The following ADGRL2 variants were observed in gnomAD, a reference collection of about 807,000 sequenced individuals.
ADGRL2 encodes calcium-independent alpha-latrotoxin receptor 2.
Under a neutral mutation model 157.4 loss-of-function variants are expected in ADGRL2, and 44 were observed. The ratio of observed to expected loss-of-function variants is 0.28; its 90% CI spans 0.22 to 0.36. The LOEUF is 0.36. Among genes scored for constraint, ADGRL2 ranks in the 10% least tolerant of loss-of-function variants. The pLI is 1.00. For missense variants in ADGRL2, 1,510 were observed against 1,768.9 expected, an observed-to-expected ratio of 0.85 and a Z score of 2.63; for synonymous variants, 585 against 624.7, an observed-to-expected ratio of 0.94 and a Z score of 0.95.
intron 1 of ADGRL2, among the ~76,000 whole-genome samples, chr1:81,387,670 G>A (rs2101092536): frequency 6.6e-6 from 1 of 152,234 alleles, no homozygotes; most frequent in Non-Finnish European, 1.5e-5. Context: ...CCAATTGTTA[G>A]ATGATAGGCA....
At chr1:81,735,541 G>A (rs945618798) in intron 1 of ADGRL2, among the ~76,000 whole-genome samples, 10 of 152,176 alleles carry the variant, frequency 6.6e-5, no homozygotes, top group Admixed American at 2.6e-4. Context: ...TGTAATCCCA[G>A]CACTTTGGGA....
intron 3 of ADGRL2, among the ~76,000 whole-genome samples, chr1:81,638,194 T>C (rs1038634514): frequency 1.3e-5 from 2 of 152,046 alleles, no homozygotes; most frequent in Non-Finnish European, 2.9e-5. Flanking sequence ...TGCAAAATTA[T>C]CCTTCAAAAG....
At chr1:81,574,860 A>C (rs2080766444) in intron 2 of ADGRL2, among the ~76,000 whole-genome samples, 1 of 152,210 alleles carries the variant, frequency 6.6e-6, no homozygotes, top group African/African-American at 2.4e-5. Flanking sequence ...AGAAAACAAA[A>C]ATCTTAATGA....
At chr1:81,513,594 A>T (rs563831517) in intron 2 of ADGRL2, among the ~76,000 whole-genome samples, 2 of 152,310 alleles carry the variant, frequency 1.3e-5, no homozygotes, top group East Asian at 3.9e-4. Context: ...ACTCCAGGTT[A>T]TACAGCCAGT....
rs1378661680 is a variant in ADGRL2, at chr1:81,625,279, T to C, written c.-143+44299T>C. On this transcript the variant is annotated intron_variant, in intron 3 of 24. Transcript: ENST00000370721. Reference sequence around the variant, plus strand: ...TCTCTCCCTCTCCCTCCTTCCCTTTTTCCCTCTTCCATATCTTCCTCCCTC... The same window carrying C: ...TCTCTCCCTCTCCCTCCTTCCCTTTCTCCCTCTTCCATATCTTCCTCCCTC... Among the ~76,000 whole-genome samples, 5 of 152,214 alleles carry C rather than the reference T, an allele frequency of 3.3e-5. No homozygotes were observed. The East Asian group carries it at 9.7e-4, about 29-fold the overall frequency.
chr1:81,346,931 T>C (rs1431250329), intron 1 of ADGRL2, among the ~76,000 whole-genome samples: 1 of 152,054 alleles, frequency 6.6e-6, no homozygotes, highest in East Asian at 1.9e-4. Flanking sequence ...CTAAAAGAGT[T>C]TTGAGGTGCA....
chr1:81,396,618 T>C (rs1340285832), intron 1 of ADGRL2, among the ~76,000 whole-genome samples: 1 of 152,200 alleles, frequency 6.6e-6, no homozygotes. Flanking sequence ...AGTTCAGATG[T>C]TAACTGTGGG....
intron 1 of ADGRL2, among the ~76,000 whole-genome samples, chr1:81,361,756 A>G (rs2075982031): frequency 6.6e-6 from 1 of 151,966 alleles, no homozygotes; most frequent in South Asian, 2.1e-4. Context: ...TGAATATTTT[A>G]TGCAAGAAAT....
chr1:81,822,693 A>G (rs931814175), intron 1 of ADGRL2, among the ~76,000 whole-genome samples: 1 of 152,010 alleles, frequency 6.6e-6, no homozygotes, highest in Non-Finnish European at 1.5e-5. Flanking sequence ...GTTTTTATTT[A>G]ATAGCAAAAT....
intron 1 of ADGRL2, among the ~76,000 whole-genome samples, chr1:81,332,570 GGTAGAT>G (rs1222361174): frequency 2.2e-4 from 34 of 152,114 alleles, no homozygotes; most frequent in African/African-American, 8.0e-4. Flanking sequence ...TTTAATCCCA[GGTAGAT>G]GTTCTTGTTT....
intron 1 of ADGRL2, among the ~76,000 whole-genome samples, chr1:81,407,894 A>G (rs755683938): frequency 2.6e-5 from 4 of 152,240 alleles, no homozygotes; most frequent in Non-Finnish European, 4.4e-5. Flanking sequence ...TAGAGTTGCC[A>G]AGATCATCTG....
intron 1 of ADGRL2, among the ~76,000 whole-genome samples, chr1:81,739,502 C>T (rs79215386): frequency 0.013 from 2,002 of 152,222 alleles, 41 homozygotes; most frequent in African/African-American, 0.046. Flanking sequence ...GCAGAGAGAG[C>T]CAAGGTGAGC....
At chr1:81,862,916 T>C (rs1330391873) in intron 2 of ADGRL2, among the ~76,000 whole-genome samples, 1 of 152,120 alleles carries the variant, frequency 6.6e-6, no homozygotes, top group Non-Finnish European at 1.5e-5. Context: ...AAATTCCCCA[T>C]AAAACCAAAT....
chr1:81,910,870 T>C (rs1454632677), intron 3 of ADGRL2, among the ~76,000 whole-genome samples: 1 of 152,086 alleles, frequency 6.6e-6, no homozygotes, highest in Non-Finnish European at 1.5e-5. Flanking sequence ...AAGTTTGTCT[T>C]TGAAAAGTTC....
At chr1:81,844,439 G>A (rs962634409) in intron 2 of ADGRL2, among the ~76,000 whole-genome samples, 11 of 152,290 alleles carry the variant, frequency 7.2e-5, no homozygotes, top group African/African-American at 2.6e-4. Flanking sequence ...AATAAGATAA[G>A]TGATTGAACA....
chr1:81,471,151 A>G (rs138122311), intron 2 of ADGRL2, among the ~76,000 whole-genome samples: 1,610 of 152,292 alleles, frequency 0.011, 30 homozygotes, highest in Admixed American at 0.05. Context: ...ATGGTGGTTG[A>G]CATTATTATT....
intron 1 of ADGRL2, among the ~76,000 whole-genome samples, chr1:81,428,737 C>T (rs1401400550): frequency 1.3e-5 from 2 of 152,030 alleles, no homozygotes; most frequent in Non-Finnish European, 2.9e-5. Context: ...AGTTTTTCTG[C>T]TCTGTTTGAT....
chr1:81,460,983 T>A (rs959833988), intron 2 of ADGRL2, among the ~76,000 whole-genome samples: 1 of 152,184 alleles, frequency 6.6e-6, no homozygotes, highest in Non-Finnish European at 1.5e-5. Flanking sequence ...AGGATTTAGA[T>A]GAGTGAATAC....
chr1:81,720,013 T>G (rs1188376163), intron 1 of ADGRL2, among the ~76,000 whole-genome samples: 1 of 152,136 alleles, frequency 6.6e-6, no homozygotes, highest in East Asian at 1.9e-4. Context: ...GCATTTTTAT[T>G]TTTGTTTTAC....
Sources: gnomAD v4.1 joint callset for allele counts (sites outside exome capture counted in the v4.1 genomes callset) on GRCh38, gnomAD v4.1.1 for gene constraint, MANE v1.5 for transcripts, NCBI Gene and HGNC (gene_info 2026-07-23, HGNC 2026-07-21) for gene names.